The following EEPD1 variants were observed in gnomAD, a reference collection of about 807,000 sequenced individuals.
The protein encoded by EEPD1 is endonuclease/exonuclease/phosphatase family domain containing 1.
EEPD1 carries 17 observed loss-of-function variants against 46.3 expected under a neutral mutation model. That is an observed-to-expected ratio of 0.37 (90% CI 0.25 to 0.55). The LOEUF is 0.55. EEPD1 is among the 20% of genes least tolerant of loss of function. The pLI is 0.83. For synonymous variants in EEPD1, 313 were observed against 315.6 expected, an observed-to-expected ratio of 0.99 and a Z score of 0.09; for missense variants, 673 against 745.6, an observed-to-expected ratio of 0.90 and a Z score of 1.13.
chr7:36,206,357 A>C (rs1337455735), intron 2 of EEPD1, among the ~76,000 whole-genome samples: 1 of 152,138 alleles, frequency 6.6e-6, no homozygotes, highest in African/African-American at 2.4e-5. Flanking sequence ...TTTTTATTTA[A>C]TCTAGTATAT....
chr7:36,185,663 TG>T (rs547891405), intron 2 of EEPD1, among the ~76,000 whole-genome samples: 12,400 of 152,202 alleles, frequency 0.081, 753 homozygotes, highest in East Asian at 0.16. Context: ...TCTAGGAAGA[TG>T]CTGCCCTTTC....
chr7:36,214,365 T>G (rs1468270541), intron 2 of EEPD1, among the ~76,000 whole-genome samples: 1 of 152,192 alleles, frequency 6.6e-6, no homozygotes, highest in Non-Finnish European at 1.5e-5. Context: ...CTGTCCTATT[T>G]GAGAGATAAT....
chr7:36,243,715 G>T (rs576685969), intron 3 of EEPD1, among the ~76,000 whole-genome samples: 1 of 152,250 alleles, frequency 6.6e-6, no homozygotes, highest in South Asian at 2.1e-4. Context: ...TTTAAATTAT[G>T]TAAAACCTAA....
intron 2 of EEPD1, among the ~76,000 whole-genome samples, chr7:36,195,533 T>C (rs1463859641): frequency 6.6e-6 from 1 of 152,206 alleles, no homozygotes; most frequent in Non-Finnish European, 1.5e-5. Flanking sequence ...ATATGTGGAA[T>C]CTAAAAAAAT....
At chr7:36,188,712 C>G (rs111819974) in intron 2 of EEPD1, among the ~76,000 whole-genome samples, 1 of 151,974 alleles carries the variant, frequency 6.6e-6, no homozygotes, top group African/African-American at 2.4e-5. Context: ...TCCTTTTTCT[C>G]TTGTTCTGAT....
intron 3 of EEPD1, among the ~76,000 whole-genome samples, chr7:36,253,875 C>A (rs1562703130): frequency 6.6e-6 from 1 of 152,044 alleles, no homozygotes; most frequent in African/African-American, 2.4e-5. Flanking sequence ...TGGTTTTAAT[C>A]CACTTTTAGT....
At chr7:36,172,043 C>A (rs1232433186) in intron 2 of EEPD1, among the ~76,000 whole-genome samples, 1 of 152,132 alleles carries the variant, frequency 6.6e-6, no homozygotes, top group Non-Finnish European at 1.5e-5. Context: ...AATACTTGGG[C>A]CCTTTTTCTC....
At chr7:36,248,085 G>A (rs558205666) in intron 3 of EEPD1, among the ~76,000 whole-genome samples, 1 of 152,304 alleles carries the variant, frequency 6.6e-6, no homozygotes, top group East Asian at 1.9e-4. Context: ...AGCAGGTTAT[G>A]GGAGCCATGA....
At chr7:36,221,503 T>C (rs550819734) in intron 2 of EEPD1, among the ~76,000 whole-genome samples, 173 of 152,384 alleles carry the variant, frequency 1.1e-3, no homozygotes, top group African/African-American at 3.8e-3. Flanking sequence ...AATCAGATTA[T>C]TTAATAATAA....
intron 2 of EEPD1, among the ~76,000 whole-genome samples, chr7:36,168,372 G>T (rs1328860860): frequency 6.6e-6 from 1 of 152,172 alleles, no homozygotes; most frequent in African/African-American, 2.4e-5. Context: ...TGACGTACTT[G>T]GTGAAACTGG....
chr7:36,286,460 C>T (rs1787344394), intron 5 of EEPD1, among the ~76,000 whole-genome samples: 1 of 152,204 alleles, frequency 6.6e-6, no homozygotes, highest in African/African-American at 2.4e-5. Context: ...CCCTTCCTGG[C>T]AGTGTTGATG....
chr7:36,173,977 AG>A (rs1427787335), intron 2 of EEPD1, among the ~76,000 whole-genome samples: 2 of 152,184 alleles, frequency 1.3e-5, no homozygotes, highest in Non-Finnish European at 2.9e-5. Flanking sequence ...ATGGAGAGCC[AG>A]TGGCACCAAA....
intron 2 of EEPD1, among the ~76,000 whole-genome samples, chr7:36,171,636 A>G (rs993293989): frequency 6.6e-6 from 1 of 152,244 alleles, no homozygotes; most frequent in Admixed American, 6.5e-5. Flanking sequence ...TGAATTATAA[A>G]TATACCCATC....
Position 36,154,919 on chromosome 7 carries a change from A to G in EEPD1, c.595A>G (p.Arg199Gly). Residue 199 changes from arginine (R) to glycine (G), a missense_variant, in exon 2 of 8, where the codon AGG becomes GGG. Arg to Gly is a moderately radical substitution (Grantham distance 125). Transcript: ENST00000242108. The surrounding 1 kb of genome is among the most constrained non-coding windows in gnomAD (Gnocchi z 4.2). ...GATCCGGCACCAGGTGTTTGCTGAG[A>G]GGTCCAGGCCCCCATCCACCCACAC... ...DRIRHQVFAERSRPPSTHTNG... is the reference protein window; with the variant it reads ...DRIRHQVFAEGSRPPSTHTNG... 1 of 1,614,022 alleles carries G rather than the reference A, an allele frequency of 6.2e-7. No homozygotes were observed. Among genetic ancestry groups the G allele is most frequent in the Non-Finnish European group, 8.5e-7 (1 of 1,180,008 alleles).
intron 6 of EEPD1, among the ~76,000 whole-genome samples, chr7:36,289,963 A>G (rs1787403222): frequency 6.6e-6 from 1 of 152,234 alleles, no homozygotes; most frequent in African/African-American, 2.4e-5. Context: ...CTTTTGAACC[A>G]GGACATGCCG....
rs777042713 is a variant in EEPD1 at position 36,154,871 on chromosome 7, A to T, written c.547A>T (p.Ile183Phe). ...TGAGGACCTAGTGAGGATGGATGGTATCAATGCCGCCTTCCTGGACAGGAT... is the reference window on the plus strand; with the variant it reads ...TGAGGACCTAGTGAGGATGGATGGTTTCAATGCCGCCTTCCTGGACAGGAT... Reference protein sequence around the residue: ...SVEDLVRMDGINAAFLDRIRH... With the variant: ...SVEDLVRMDGFNAAFLDRIRH... The change falls in exon 2 of 8, where the codon ATC becomes TTC. Residue 183 changes from isoleucine (I) to phenylalanine (F), a missense_variant. Coordinates refer to ENST00000242108, the MANE Select transcript of EEPD1 (RefSeq NM_030636.3). This position sits in a 1 kb window ranked among gnomAD's most constrained non-coding sequence, Gnocchi z 4.2. 1 of 1,614,168 alleles carries T rather than the reference A, an allele frequency of 6.2e-7. No individual in the cohort carries two copies. Among genetic ancestry groups the T allele is most frequent in the African/African-American group, 1.3e-5 (1 of 75,028 alleles).
At chr7:36,205,273 C>T (rs747932337) in intron 2 of EEPD1, among the ~76,000 whole-genome samples, 15 of 152,170 alleles carry the variant, frequency 9.9e-5, no homozygotes, top group Non-Finnish European at 1.8e-4. Context: ...GTCCCTTACT[C>T]GCTTCTGTAT....
At chr7:36,198,342 GA>G (rs1361024411) in intron 2 of EEPD1, among the ~76,000 whole-genome samples, 7,541 of 33,092 alleles carry the variant, frequency 0.23, 428 homozygotes, top group Middle Eastern at 0.3. Context: ...AAAAAGAAAA[GA>G]AAAAAAAAAA....
chr7:36,197,910 TAAAAAAAA>T lies in EEPD1; in HGVS notation c.879-41073_879-41066del, dbSNP rs1054391260. On this transcript the variant is annotated intron_variant, in intron 2 of 7. Coordinates refer to ENST00000242108, the MANE Select transcript of EEPD1 (RefSeq NM_030636.3). The stretch of plus-strand genomic sequence containing the variant: ...ATCAATAAAAAAAAAAATAAAAAAA[TAAAAAAAA>T]ATATGGAAAATTCAACAATACTAGA... Among the ~76,000 whole-genome samples the T allele has an allele frequency of 6.3e-4, 95 of 149,958 alleles. 1 individual carries two copies. The East Asian group carries it at 0.013, about 21-fold the overall frequency.
Sources: allele counts gnomAD v4.1 joint callset (sites outside exome capture counted in the v4.1 genomes callset), GRCh38; gene constraint gnomAD v4.1.1; non-coding constraint Gnocchi (gnomAD v3.1); transcripts MANE v1.5; gene names NCBI Gene and HGNC (gene_info 2026-07-23, HGNC 2026-07-21).